CFDP1: variants seen among roughly 807,000 people sequenced by gnomAD.
The protein encoded by CFDP1 is chromatin remodeling protein CFDP1.
CFDP1 carries 31 observed loss-of-function variants against 40.1 expected under a neutral mutation model. The ratio of observed to expected loss-of-function variants is 0.77; its 90% CI spans 0.58 to 1.04. The LOEUF (loss-of-function observed/expected upper bound fraction) is 1.04, where lower values mean the gene tolerates loss of function less well. CFDP1 is among the 50% of genes least tolerant of loss of function. The probability of loss-of-function intolerance (pLI) is 0.00; values close to 1 mark genes in which losing one functional copy is unlikely to be tolerated. For synonymous variants in CFDP1, 167 were observed against 120.0 expected, an observed-to-expected ratio of 1.39 and a Z score of -2.56; for missense variants, 423 against 343.4, an observed-to-expected ratio of 1.23 and a Z score of -1.83.
chr16:75,423,687 T>C (rs551202268), intron 1 of CFDP1, among the ~76,000 whole-genome samples: 2 of 152,220 alleles, frequency 1.3e-5, no homozygotes, highest in Admixed American at 1.3e-4. Context: ...GCTAATTTTT[T>C]GTATTTTTAG....
intron 4 of CFDP1, among the ~76,000 whole-genome samples, chr16:75,402,370 AGGTGAATCATTT>A (rs1406336294): frequency 6.6e-6 from 1 of 152,234 alleles, no homozygotes; most frequent in East Asian, 1.9e-4. Flanking sequence ...TTTTTCCAAA[AGGTGAATCATTT>A]AGGAAAGTCT....
At chr16:75,410,055 CAAAAAAAAAAAA>C (rs150987819) in intron 4 of CFDP1, among the ~76,000 whole-genome samples, 1 of 52,542 alleles carries the variant, frequency 1.9e-5, no homozygotes, top group Non-Finnish European at 3.1e-5. Context: ...GACCCTTTCT[CAAAAAAAAAAAA>C]AAAAAAAAAA....
intron 2 of CFDP1, among the ~76,000 whole-genome samples, chr16:75,413,308 C>T (rs368702312): frequency 2.0e-5 from 3 of 152,274 alleles, no homozygotes; most frequent in East Asian, 3.9e-4. Flanking sequence ...GTGGCTCACA[C>T]CTGTAATCCC....
At chr16:75,399,807 A>T (rs1009794537) in intron 4 of CFDP1, among the ~76,000 whole-genome samples, 6 of 152,110 alleles carry the variant, frequency 3.9e-5, no homozygotes, top group African/African-American at 9.6e-5. Flanking sequence ...TCTACAAAAA[A>T]TTTTTTAAAA....
At chr16:75,392,315 G>C (rs2151560726) in intron 5 of CFDP1, among the ~76,000 whole-genome samples, 1 of 151,842 alleles carries the variant, frequency 6.6e-6, no homozygotes, top group African/African-American at 2.4e-5. Flanking sequence ...TGACGCAGGA[G>C]AATGGCTTGA....
intron 1 of CFDP1, among the ~76,000 whole-genome samples, chr16:75,422,769 C>T (rs1184796033): frequency 1.3e-5 from 2 of 151,982 alleles, no homozygotes; most frequent in African/African-American, 4.8e-5. Flanking sequence ...TCGCTTGAGG[C>T]CAGGAGTTCA....
At chr16:75,419,161 GA>G in intron 1 of CFDP1, 1 of 286,146 alleles carries the variant, frequency 3.5e-6, no homozygotes, top group South Asian at 2.9e-5. Context: ...GATCCAGCCT[GA>G]AAGAGCTCCT....
chr16:75,365,924 T>G (rs1344974611), intron 5 of CFDP1, among the ~76,000 whole-genome samples: 2 of 152,212 alleles, frequency 1.3e-5, no homozygotes, highest in Non-Finnish European at 1.5e-5. Flanking sequence ...CGAACCCTCA[T>G]GCACTGCTGG....
chr16:75,418,450 G>C (rs565386973), intron 1 of CFDP1, among the ~76,000 whole-genome samples: 1 of 151,626 alleles, frequency 6.6e-6, no homozygotes, highest in African/African-American at 2.4e-5. Context: ...GGGACTACAG[G>C]CGTGCACCAC....
intron 5 of CFDP1, among the ~76,000 whole-genome samples, chr16:75,394,245 T>G (rs1382848333): frequency 1.3e-5 from 2 of 152,208 alleles, no homozygotes; most frequent in African/African-American, 4.8e-5. Context: ...CACTTCCCTG[T>G]GGCAACAGTC....
intron 5 of CFDP1, among the ~76,000 whole-genome samples, chr16:75,330,465 T>C (rs750453533): frequency 3.9e-5 from 6 of 152,224 alleles, no homozygotes; most frequent in Non-Finnish European, 5.9e-5. Context: ...GGCGCATGCC[T>C]GTAATCCCAG....
intron 5 of CFDP1, among the ~76,000 whole-genome samples, chr16:75,340,698 A>G (rs2078520848): frequency 6.6e-6 from 1 of 152,230 alleles, no homozygotes; most frequent in Non-Finnish European, 1.5e-5. Flanking sequence ...GCCCATTGAT[A>G]GACGCTCTAC....
At chr16:75,413,539 C>T (rs1252633150) in intron 2 of CFDP1, among the ~76,000 whole-genome samples, 3 of 98,594 alleles carry the variant, frequency 3.0e-5, no homozygotes, top group African/African-American at 4.3e-5. Context: ...GGCAACAGGG[C>T]GAGACTCTGT....
chr16:75,346,572 G>T, intron 5 of CFDP1, among the ~76,000 whole-genome samples: 1 of 101,778 alleles, frequency 9.8e-6, no homozygotes. Flanking sequence ...GACAGAGCAA[G>T]ACTCTGTCTC....
intron 5 of CFDP1, among the ~76,000 whole-genome samples, chr16:75,327,303 C>T (rs555828134): frequency 2.0e-5 from 3 of 152,032 alleles, no homozygotes; most frequent in African/African-American, 7.2e-5. Flanking sequence ...GGGGAATAAA[C>T]CTGGAAGACA....
At chr16:75,346,444 G>A (rs113825904) in intron 5 of CFDP1, among the ~76,000 whole-genome samples, 4 of 151,596 alleles carry the variant, frequency 2.6e-5, no homozygotes, top group African/African-American at 7.3e-5. Flanking sequence ...TTAGCCGGGC[G>A]TGGTGGTGGG....
intron 4 of CFDP1, among the ~76,000 whole-genome samples, chr16:75,408,519 C>G (rs1026612982): frequency 2.0e-5 from 3 of 152,062 alleles, no homozygotes; most frequent in Admixed American, 6.5e-5. Context: ...GTGGCTCACA[C>G]TGTAATTGCA....
chr16:75,384,706 A>G (rs2078878051), intron 5 of CFDP1, among the ~76,000 whole-genome samples: 1 of 152,004 alleles, frequency 6.6e-6, no homozygotes, highest in Non-Finnish European at 1.5e-5. Context: ...ATGTTCATCA[A>G]TAAGAGAAGG....
intron 5 of CFDP1, among the ~76,000 whole-genome samples, chr16:75,378,778 T>A (rs928127974): frequency 1.3e-5 from 2 of 152,128 alleles, no homozygotes; most frequent in Non-Finnish European, 2.9e-5. Flanking sequence ...TTAAAAGATA[T>A]TGGGGTAAAA....
Sources: allele counts gnomAD v4.1 joint callset (sites outside exome capture counted in the v4.1 genomes callset), GRCh38; gene constraint gnomAD v4.1.1; transcripts MANE v1.5; gene names NCBI Gene and HGNC (gene_info 2026-07-23, HGNC 2026-07-21).